FMNL2: variants seen among roughly 807,000 people sequenced by gnomAD.
FMNL2 encodes formin-like protein 2.
A neutral mutation model predicts 130.2 loss-of-function variants in FMNL2; 51 were observed. The ratio of observed to expected loss-of-function variants is 0.39; its 90% CI spans 0.31 to 0.49. The LOEUF (loss-of-function observed/expected upper bound fraction) is 0.49, where lower values mean the gene tolerates loss of function less well. Among genes scored for constraint, FMNL2 ranks in the 20% least tolerant of loss-of-function variants. FMNL2 has a pLI of 0.85. For missense variants in FMNL2, 977 were observed against 1,316.2 expected, an observed-to-expected ratio of 0.74 and a Z score of 3.99; for synonymous variants, 465 against 467.1, an observed-to-expected ratio of 1.00 and a Z score of 0.06.
intron 1 of FMNL2, among the ~76,000 whole-genome samples, chr2:152,391,280 C>T (rs1243172770): frequency 6.6e-6 from 1 of 152,258 alleles, no homozygotes; most frequent in South Asian, 2.1e-4. Context: ...AAATAAACAC[C>T]CTGGCAACTG....
At chr2:152,619,228 A>T in intron 14 of FMNL2, 70 bp downstream of exon 14, 1 of 1,472,832 alleles carries the variant, frequency 6.8e-7, no homozygotes, top group Non-Finnish European at 9.0e-7. Context: ...CCAACTGTCC[A>T]CTTCTGTCCT....
chr2:152,642,589 G>T (rs1358920851), intron 25 of FMNL2, among the ~76,000 whole-genome samples: 4 of 152,184 alleles, frequency 2.6e-5, no homozygotes, highest in African/African-American at 9.7e-5. Flanking sequence ...CCTCCATGCT[G>T]GGGGAGAAAC....
rs571134895 is a variant in FMNL2, at chr2:152,371,026, C to T, written c.117+35306C>T. On this transcript the variant is annotated intron_variant, in intron 1 of 25. Coordinates refer to ENST00000288670, the MANE Select transcript of FMNL2 (RefSeq NM_052905.4). ...GCCTAAGTTGGTAAGTTGCTGTTGC[C>T]TAATGATATAAAGCCTAAGTGCCAC... Among the ~76,000 whole-genome samples, 42 of 152,262 alleles carry T rather than the reference C, an allele frequency of 2.8e-4. 1 individual carries two copies. In the South Asian group the frequency reaches 6.8e-3, roughly 25 times the overall value.
chr2:152,369,171 A>C (rs1683732307), intron 1 of FMNL2, among the ~76,000 whole-genome samples: 1 of 152,234 alleles, frequency 6.6e-6, no homozygotes, highest in Admixed American at 6.5e-5. Context: ...CAGTGTCAAA[A>C]CATTAAAAGA....
intron 1 of FMNL2, among the ~76,000 whole-genome samples, chr2:152,520,781 C>A (rs2105397910): frequency 6.6e-6 from 1 of 152,154 alleles, no homozygotes; most frequent in East Asian, 1.9e-4. Context: ...TAAGTCAGGA[C>A]AGCATACTCA....
chr2:152,392,753 C>A (rs1685186166), intron 1 of FMNL2, among the ~76,000 whole-genome samples: 1 of 152,216 alleles, frequency 6.6e-6, no homozygotes, highest in African/African-American at 2.4e-5. Context: ...AACCATAACA[C>A]CCCCTGTCAC....
intron 9 of FMNL2, among the ~76,000 whole-genome samples, chr2:152,601,265 G>T (rs1201335634): frequency 6.7e-6 from 1 of 149,732 alleles, no homozygotes; most frequent in East Asian, 2.0e-4. Flanking sequence ...TATTTCCTCT[G>T]TAACCCTGAT....
At chr2:152,384,677 G>A (rs1453393473) in intron 1 of FMNL2, among the ~76,000 whole-genome samples, 1 of 152,132 alleles carries the variant, frequency 6.6e-6, no homozygotes, top group Non-Finnish European at 1.5e-5. Flanking sequence ...TCCCTTGAGT[G>A]CGCCTTCATC....
chr2:152,355,035 A>G (rs958768323), intron 1 of FMNL2, among the ~76,000 whole-genome samples: 5 of 152,206 alleles, frequency 3.3e-5, no homozygotes, highest in African/African-American at 1.2e-4. Context: ...GCCAACTCTA[A>G]GAAGGTCCAG....
Position 152,582,094 on chromosome 2 carries a change from A to G in FMNL2, c.876+1045A>G, listed in dbSNP as rs73969196. Among the ~76,000 whole-genome samples the G allele has an allele frequency of 3.2e-3, 485 of 152,326 alleles. 5 individuals carry two copies. The highest frequency in any genetic ancestry group is 0.011 in the African/African-American group (466 of 41,574). On this transcript the variant is annotated intron_variant, in intron 9 of 25. Coordinates refer to ENST00000288670, the MANE Select transcript of FMNL2 (RefSeq NM_052905.4). Reference sequence around the variant, plus strand: ...AATATCTTGATTTTAGCGAAATTGAAATACATAGTTTACCTGTGGTCACAT... The same window carrying G: ...AATATCTTGATTTTAGCGAAATTGAGATACATAGTTTACCTGTGGTCACAT...
At chr2:152,557,232 A>G (rs752061858) in intron 4 of FMNL2, among the ~76,000 whole-genome samples, 2 of 152,190 alleles carry the variant, frequency 1.3e-5, no homozygotes, top group Non-Finnish European at 2.9e-5. Flanking sequence ...CTGTTTTGAA[A>G]TGAAACTTCA....
intron 1 of FMNL2, among the ~76,000 whole-genome samples, chr2:152,349,524 A>T (rs922245641): frequency 6.6e-6 from 1 of 152,218 alleles, no homozygotes. Context: ...CATTAAATGT[A>T]TGCTTCTTGT....
intron 11 of FMNL2, among the ~76,000 whole-genome samples, chr2:152,612,042 A>G (rs1048796236): frequency 2.0e-5 from 3 of 152,080 alleles, no homozygotes; most frequent in Non-Finnish European, 4.4e-5. Context: ...ATAATGAGGA[A>G]ATGGACACCA....
At chr2:152,483,877 G>A (rs1690669368) in intron 1 of FMNL2, among the ~76,000 whole-genome samples, 1 of 145,130 alleles carries the variant, frequency 6.9e-6, no homozygotes, top group South Asian at 2.1e-4. Flanking sequence ...TCCATGGAGA[G>A]GGGGAAAAAA....
chr2:152,462,518 T>C (rs2105133818), intron 1 of FMNL2, among the ~76,000 whole-genome samples: 1 of 152,334 alleles, frequency 6.6e-6, no homozygotes, highest in Non-Finnish European at 1.5e-5. Context: ...GTATAACAAA[T>C]TTGGGAACAG....
At chr2:152,544,083 TG>T (rs1694484169) in intron 3 of FMNL2, among the ~76,000 whole-genome samples, 1 of 152,196 alleles carries the variant, frequency 6.6e-6, no homozygotes, top group South Asian at 2.1e-4. Context: ...CCTAAGAATG[TG>T]GCAGTCTTAA....
At position 152,619,063 on chromosome 2, in the gene FMNL2, G is replaced by T. The variant is rs768328922; in HGVS notation, c.1532G>T (p.Gly511Val). 1.2e-6 allele frequency: 2 copies of T among 1,613,934 alleles called. No individual in the cohort carries two copies. Among genetic ancestry groups the T allele is most frequent in the Non-Finnish European group, 1.7e-6 (2 of 1,179,808 alleles). ...TLSMGSEVVA[G>V]NSVGPTMGAA... ...TCCATGGGGTCAGAAGTGGTAGCAG[G>T]TAACTCTGTGGGACCCACAATGGGG... The change falls in exon 14 of 26, where the codon GGT (glycine) becomes GTT (valine). Residue 511 changes from glycine to valine, a missense_variant. By Grantham distance (109) the Gly-to-Val change is moderately radical (BLOSUM62 -3). Coordinates refer to ENST00000288670, the MANE Select transcript of FMNL2 (RefSeq NM_052905.4).
At chr2:152,428,799 C>T (rs983781729) in intron 1 of FMNL2, among the ~76,000 whole-genome samples, 2 of 152,034 alleles carry the variant, frequency 1.3e-5, no homozygotes, top group Admixed American at 6.6e-5. Context: ...AGAGATAGTT[C>T]GAGTGGTGGG....
intron 1 of FMNL2, among the ~76,000 whole-genome samples, chr2:152,439,645 C>T (rs749143277): frequency 6.6e-6 from 1 of 151,804 alleles, no homozygotes. Context: ...GTGCCTGTTG[C>T]AATACTTCCA....
Sources: allele counts gnomAD v4.1 joint callset (sites outside exome capture counted in the v4.1 genomes callset), GRCh38; gene constraint gnomAD v4.1.1; transcripts MANE v1.5; gene names NCBI Gene and HGNC (gene_info 2026-07-23, HGNC 2026-07-21).